Variants in HDC observed in about 807,000 individuals in gnomAD.
HDC encodes the protein histidine decarboxylase.
A neutral mutation model predicts 64.4 loss-of-function variants in HDC; 27 were observed. That is an observed-to-expected ratio of 0.42 (90% CI 0.31 to 0.58). HDC has a LOEUF of 0.58. Ranked by LOEUF, HDC falls within the 20% of genes least tolerant of loss-of-function variation. The pLI, the probability that HDC is intolerant of heterozygous loss-of-function variation, is 0.16. For missense variants in HDC, 711 were observed against 833.9 expected, an observed-to-expected ratio of 0.85 and a Z score of 1.81; for synonymous variants, 305 against 314.2, an observed-to-expected ratio of 0.97 and a Z score of 0.31.
intron 1 of HDC, among the ~76,000 whole-genome samples, chr15:50,265,247 AT>A (rs1017930524): frequency 1.3e-5 from 2 of 152,058 alleles, no homozygotes; most frequent in Non-Finnish European, 2.9e-5. Context: ...TATTGAGAAA[AT>A]TTTTTTCTAT....
rs751334188 is a variant in HDC, at chr15:50,254,265, G to C, written c.585C>G (p.Ser195=). Residue 195 remains serine, a synonymous_variant, in exon 6 of 12, where the codon TCC becomes TCG. Transcript: ENST00000267845. ...AAATCAAACCAGCCTTTTCCACAGA[G>C]GAGTGAGCCTAGAAGGGCCACAGAA... ...LVAYASDQAH[S]SVEKAGLISL... 2.1e-5 allele frequency: 34 copies of C among 1,614,014 alleles called. No individual in the cohort carries two copies. Among genetic ancestry groups the C allele is most frequent in the Non-Finnish European group, 9.3e-6 (11 of 1,180,016 alleles).
At chr15:50,251,636 C>T (rs1248474721) in intron 9 of HDC, among the ~76,000 whole-genome samples, 1 of 152,092 alleles carries the variant, frequency 6.6e-6, no homozygotes. Flanking sequence ...AACTCGTTTC[C>T]CTCAGGCAAA....
intron 10 of HDC, among the ~76,000 whole-genome samples, chr15:50,243,657 G>C (rs2045435319): frequency 6.6e-6 from 1 of 152,256 alleles, no homozygotes; most frequent in South Asian, 2.1e-4. Flanking sequence ...TGTGCCTAAA[G>C]GAAGAGATGC....
At chr15:50,261,835 A>G (rs138788993) in intron 2 of HDC, among the ~76,000 whole-genome samples, 2,537 of 151,456 alleles carry the variant, frequency 0.017, 79 homozygotes, top group African/African-American at 0.059. Context: ...TCAGCCTCCC[A>G]AGTAGCTGGG....
chr15:50,253,191 C>T, intron 7 of HDC: 1 of 372,358 alleles, frequency 2.7e-6, no homozygotes. Flanking sequence ...TTCCTCTCTG[C>T]CTTTAATCTC....
chr15:50,256,288 T>A (rs1465650652), intron 4 of HDC, among the ~76,000 whole-genome samples: 4 of 152,194 alleles, frequency 2.6e-5, no homozygotes, highest in Non-Finnish European at 5.9e-5. Flanking sequence ...TCTTCCGAGG[T>A]TCAGATTTTA....
chr15:50,248,450 G>A lies in HDC; in HGVS notation c.1042-107C>T, dbSNP rs1332537901. 2.6e-6 allele frequency: 2 copies of A among 768,538 alleles called. No homozygotes were observed. Among genetic ancestry groups the A allele is most frequent in the Admixed American group, 2.0e-5 (1 of 50,362 alleles). The allele number at this position is 768,538 out of a possible 1,614,324, so 47.6% of individuals were successfully genotyped here. A position where few individuals can be genotyped will look rare whatever the true frequency, so the allele number is the denominator to read the frequency against. On this transcript the variant is annotated intron_variant, in intron 9 of 11. Coordinates refer to ENST00000267845, the MANE Select transcript of HDC (RefSeq NM_002112.4). This position sits in a 1 kb window ranked among gnomAD's most constrained non-coding sequence, Gnocchi z 4.3. ...CCTGCCCAGCCCTCCAGGGATGGAC[G>A]ATGTCACCATGACTCTGGGAGCTGT...
At position 50,265,628 on chromosome 15, in the gene HDC, C is replaced by T. The variant is rs769137342; in HGVS notation, c.-5G>A. 1.9e-6 allele frequency: 3 copies of T among 1,613,898 alleles called. No individual in the cohort carries two copies. Among genetic ancestry groups the T allele is most frequent in the South Asian group, 2.2e-5 (2 of 91,066 alleles). ...GTACTCCTCAGGCTCCATCATCTCC[C>T]TTGGGCTCTGGCTCCTTCTCACAGA... On this transcript the variant is annotated 5_prime_UTR_variant, in exon 1 of 12. Transcript: ENST00000267845.
chr15:50,265,386 A>C (rs1264171708), intron 1 of HDC, among the ~76,000 whole-genome samples: 1 of 152,072 alleles, frequency 6.6e-6, no homozygotes, highest in East Asian at 1.9e-4. Context: ...GGTATATGAG[A>C]GGGAGAATGA....
chr15:50,265,584 G>A lies in HDC; in HGVS notation c.31+9C>T, dbSNP rs200729641. 475 of 1,613,446 alleles carry A rather than the reference G, an allele frequency of 2.9e-4. 4 individuals carry two copies. In the South Asian group the frequency reaches 3.2e-3, roughly 11 times the overall value. ...GCAGGGAAGAGGGCCAGGGATGCCC[G>A]TTGCTCACCTCTCTCTCTGTACTCC... On this transcript the variant is annotated intron_variant, in intron 1 of 11. Transcript: ENST00000267845.
In HDC at chr15:50,242,678, T is replaced by C; in HGVS notation, c.1571A>G (p.Lys524Arg). The C allele has an allele frequency of 1.9e-6, 3 of 1,614,182 alleles. No individual in the cohort carries two copies. Among genetic ancestry groups the C allele is most frequent in the Non-Finnish European group, 2.5e-6 (3 of 1,180,020 alleles). Residue 524 changes from lysine (K) to arginine (R), a missense_variant, in exon 12 of 12, where the codon AAG becomes AGG. Physicochemically the swap from Lys to Arg is conservative, Grantham distance 26 (BLOSUM62 2). Transcript: ENST00000267845. ...DDPVQARKII[K>R]QPQRVGAGPM... Reference sequence around the variant, plus strand: ...ACCGGCTCCCACACGCTGAGGCTGCTTGATGATCTTCCTGGCCTGGACTGG... The same window carrying C: ...ACCGGCTCCCACACGCTGAGGCTGCCTGATGATCTTCCTGGCCTGGACTGG...
chr15:50,259,342 G>A (rs1038250327), intron 2 of HDC, among the ~76,000 whole-genome samples: 1 of 152,204 alleles, frequency 6.6e-6, no homozygotes, highest in Non-Finnish European at 1.5e-5. Context: ...CATTGGGAAT[G>A]TAGTGAGGAA....
At chr15:50,264,405 C>A (rs1398193241) in intron 1 of HDC, among the ~76,000 whole-genome samples, 2 of 152,026 alleles carry the variant, frequency 1.3e-5, no homozygotes, top group Non-Finnish European at 2.9e-5. Context: ...GACTTTCTCT[C>A]CCTCCTGCTG....
rs370778756 is a variant in HDC at position 50,253,676 on chromosome 15, A to G, written c.721-10T>C. On this transcript the variant is annotated splice_polypyrimidine_tract_variant and intron_variant, in intron 6 of 11. Transcript: ENST00000267845. ...CTAGTGTTGCACAGACCTAGGGGAA[A>G]ATTAAGGCAAGTTAACACAGGAGGG... is the stretch of plus-strand genomic sequence containing the variant. 4 of 1,612,162 alleles carry G rather than the reference A, an allele frequency of 2.5e-6. No individual in the cohort carries two copies. In the African/African-American group the frequency reaches 5.3e-5, roughly 22 times the overall value.
At chr15:50,264,872 G>A (rs1191299802) in intron 1 of HDC, among the ~76,000 whole-genome samples, 10 of 152,166 alleles carry the variant, frequency 6.6e-5, no homozygotes, top group Admixed American at 6.5e-4. Context: ...ACCCTCCACT[G>A]ATCCAGGAAC....
At chr15:50,262,731 A>G (rs1025067385) in intron 2 of HDC, among the ~76,000 whole-genome samples, 6 of 152,222 alleles carry the variant, frequency 3.9e-5, no homozygotes, top group Non-Finnish European at 7.3e-5. Context: ...TCCTGGGCCA[A>G]CGCAACCTGG....
At chr15:50,260,757 C>T (rs1428714782) in intron 2 of HDC, among the ~76,000 whole-genome samples, 2 of 152,188 alleles carry the variant, frequency 1.3e-5, no homozygotes, top group African/African-American at 4.8e-5. Context: ...GTCACACATA[C>T]CCCATAGGGA....
At chr15:50,255,450 T>C (rs1321145459) in intron 4 of HDC, among the ~76,000 whole-genome samples, 2 of 152,166 alleles carry the variant, frequency 1.3e-5, no homozygotes, top group African/African-American at 4.8e-5. Context: ...CCCACAGATA[T>C]TAAGTGCCTG....
At chr15:50,245,739 A>G (rs1433923075) in intron 10 of HDC, among the ~76,000 whole-genome samples, 1 of 152,122 alleles carries the variant, frequency 6.6e-6, no homozygotes, top group Admixed American at 6.5e-5. Flanking sequence ...TACAAAAAAT[A>G]CAAAAAGTAG....
Sources: allele counts gnomAD v4.1 joint callset (sites outside exome capture counted in the v4.1 genomes callset), GRCh38; gene constraint gnomAD v4.1.1; non-coding constraint Gnocchi (gnomAD v3.1); transcripts MANE v1.5; gene names NCBI Gene and HGNC (gene_info 2026-07-23, HGNC 2026-07-21).